The following TSNARE1 variants were observed in gnomAD, a reference collection of about 807,000 sequenced individuals.
The protein encoded by TSNARE1 is t-SNARE domain-containing protein 1.
A neutral mutation model predicts 62.0 loss-of-function variants in TSNARE1; 49 were observed. The observed-to-expected ratio is 0.79, with a 90% CI of 0.63 to 1.00. The LOEUF (loss-of-function observed/expected upper bound fraction) is 1.00. TSNARE1 is among the 50% of genes least tolerant of loss of function. The probability of loss-of-function intolerance (pLI) is 0.00; values close to 1 mark genes in which losing one functional copy is unlikely to be tolerated. For synonymous variants in TSNARE1, 328 were observed against 294.4 expected (o/e 1.11, Z -1.17); for missense variants, 755 against 700.1 (o/e 1.08, Z -0.88).
intron 1 of TSNARE1, among the ~76,000 whole-genome samples, chr8:142,363,581 T>C (rs1301183404): frequency 1.3e-5 from 2 of 152,066 alleles, no homozygotes; most frequent in Non-Finnish European, 2.9e-5. Flanking sequence ...AAACACAACC[T>C]GAAGACGGCG....
rs533037007 is a variant in TSNARE1, at chr8:142,348,528, C to T, written c.89-2636G>A. On this transcript the variant is annotated intron_variant, in intron 2 of 13. Coordinates refer to ENST00000524325, the MANE Select transcript of TSNARE1 (RefSeq NM_145003.5). ...CCCACCCTCCCCTGGCCCCCGCTCC[C>T]GCCCCAGGCTGCCCCGAAGCTGGCT... is the stretch of plus-strand genomic sequence containing the variant. 3.9e-3 allele frequency among the ~76,000 whole-genome samples: 578 copies of T among 147,406 alleles called. 5 individuals carry two copies. The highest frequency in any genetic ancestry group is 6.9e-3 in the Middle Eastern group (2 of 288).
intron 1 of TSNARE1, among the ~76,000 whole-genome samples, chr8:142,358,450 G>C (rs1237465010): frequency 6.6e-6 from 1 of 152,110 alleles, no homozygotes; most frequent in Non-Finnish European, 1.5e-5. Context: ...GGGGCCCCTG[G>C]GGGGACTGGA....
chr8:142,335,453 G>A lies in TSNARE1; in HGVS notation c.746-3622C>T, dbSNP rs563454150. On this transcript the variant is annotated intron_variant, in intron 4 of 13. Transcript: ENST00000524325. ...CGATCCACCACACAGGACATGATAC[G>A]GTGCTACTTGAAGGCGGGCTGCGGA... 1.8e-4 allele frequency among the ~76,000 whole-genome samples: 28 copies of A among 152,278 alleles called. No individual in the cohort carries two copies. The South Asian group carries it at 5.8e-3, about 32-fold the overall frequency.
chr8:142,319,000 A>G (rs1226707997), intron 6 of TSNARE1, among the ~76,000 whole-genome samples: 1 of 147,564 alleles, frequency 6.8e-6, no homozygotes, highest in Non-Finnish European at 1.5e-5. Context: ...CCAGCAAGAG[A>G]CGGGGGAGAC....
chr8:142,256,825 A>G (rs1818611868), intron 12 of TSNARE1, among the ~76,000 whole-genome samples: 1 of 152,212 alleles, frequency 6.6e-6, no homozygotes, highest in Non-Finnish European at 1.5e-5. Flanking sequence ...TCATTTGTTA[A>G]GCAAACAATG....
At chr8:142,351,010 A>C (rs1444257215) in intron 2 of TSNARE1, among the ~76,000 whole-genome samples, 1 of 152,260 alleles carries the variant, frequency 6.6e-6, no homozygotes, top group Admixed American at 6.5e-5. Flanking sequence ...GTGCTGTCAC[A>C]GTGGAAATCT....
intron 1 of TSNARE1, chr8:142,402,753 G>T (rs1587181859): frequency 6.6e-6 from 1 of 152,514 alleles, no homozygotes; most frequent in Middle Eastern, 3.4e-3. Context: ...TGACCTCCAG[G>T]CGCAGGCACC....
At chr8:142,282,108 C>T (rs374313363) in intron 11 of TSNARE1, among the ~76,000 whole-genome samples, 1 of 152,246 alleles carries the variant, frequency 6.6e-6, no homozygotes, top group Admixed American at 6.5e-5. Context: ...ACGGTGCTGG[C>T]TGGGAGGTGC....
At chr8:142,351,460 A>T (rs908245904) in intron 2 of TSNARE1, among the ~76,000 whole-genome samples, 2 of 152,238 alleles carry the variant, frequency 1.3e-5, no homozygotes, top group African/African-American at 2.4e-5. Flanking sequence ...AAATGACTTC[A>T]TTGCAAGACA....
chr8:142,294,715 C>G (rs1175348330), intron 10 of TSNARE1, among the ~76,000 whole-genome samples: 1 of 152,236 alleles, frequency 6.6e-6, no homozygotes, highest in Non-Finnish European at 1.5e-5. Flanking sequence ...GACAGGCAGA[C>G]AGCTGAGAGT....
intron 9 of TSNARE1, among the ~76,000 whole-genome samples, chr8:142,305,490 G>A (rs978377558): frequency 4.5e-4 from 68 of 152,232 alleles, no homozygotes; most frequent in African/African-American, 1.6e-3. Flanking sequence ...GCAGGGCTGG[G>A]GTGCGGGCCA....
rs531191450 is a variant in TSNARE1, at chr8:142,291,970, G to A, written c.1291-7485C>T. ...GGTCACAGCAACGCACGCCCCCCCC[G>A]GCCCCCCACCTGTTTCAAGCAGAAT... is the stretch of plus-strand genomic sequence containing the variant. On this transcript the variant is annotated intron_variant, in intron 10 of 13. Transcript: ENST00000524325. The surrounding 1 kb of genome is among the most constrained non-coding windows in gnomAD (Gnocchi z 4.8). Among the ~76,000 whole-genome samples the A allele has an allele frequency of 3.5e-5, 5 of 143,832 alleles. No homozygotes were observed. Among genetic ancestry groups the A allele is most frequent in the East Asian group, 2.0e-4 (1 of 4,956 alleles). 94.4% of individuals were successfully genotyped at this position (143,832 alleles called of 152,430 possible). A position where few individuals can be genotyped will look rare whatever the true frequency, so the allele number is the denominator to read the frequency against.
chr8:142,239,098 C>T (rs1010762003), intron 12 of TSNARE1, among the ~76,000 whole-genome samples: 3 of 152,162 alleles, frequency 2.0e-5, no homozygotes, highest in African/African-American at 7.2e-5. Flanking sequence ...GGAAAGGCCC[C>T]CAGGAAGGGG....
intron 12 of TSNARE1, among the ~76,000 whole-genome samples, chr8:142,258,168 GCACA>G (rs1818681829): frequency 6.6e-6 from 1 of 152,188 alleles, no homozygotes; most frequent in African/African-American, 2.4e-5. Flanking sequence ...CACGCTGTAT[GCACA>G]CACAGATGCC....
chr8:142,326,147 C>A (rs1300372082), intron 6 of TSNARE1: 3 of 171,482 alleles, frequency 1.7e-5, no homozygotes, highest in African/African-American at 2.7e-5. Flanking sequence ...GATGAGGAAC[C>A]AGCACCAGCT....
chr8:142,276,959 G>A, intron 11 of TSNARE1: 2 of 985,490 alleles, frequency 2.0e-6, no homozygotes, highest in Non-Finnish European at 2.4e-6. Flanking sequence ...CCCCGGCGCA[G>A]TGCACAGAGA....
chr8:142,346,855 C>T (rs1833437768), intron 2 of TSNARE1, among the ~76,000 whole-genome samples: 1 of 152,230 alleles, frequency 6.6e-6, no homozygotes, highest in Non-Finnish European at 1.5e-5. Context: ...CTGGTGAGCT[C>T]CCTCTCAGGA....
intron 4 of TSNARE1, among the ~76,000 whole-genome samples, chr8:142,337,960 CAG>C (rs1831999450): frequency 6.6e-6 from 1 of 152,226 alleles, no homozygotes; most frequent in South Asian, 2.1e-4. Flanking sequence ...AAGGGAGGTC[CAG>C]AGAGGGCCCC....
At chr8:142,229,339 G>T in intron 13 of TSNARE1, 134 bp downstream of exon 13, 2 of 718,740 alleles carry the variant, frequency 2.8e-6, no homozygotes, top group Admixed American at 2.1e-5. Context: ...ACAGATGGAC[G>T]GTAGACAGGT....
Sources: gnomAD v4.1 joint callset for allele counts (sites outside exome capture counted in the v4.1 genomes callset) on GRCh38, gnomAD v4.1.1 for gene constraint, Gnocchi (gnomAD v3.1) non-coding constraint, MANE v1.5 for transcripts, NCBI Gene and HGNC (gene_info 2026-07-23, HGNC 2026-07-21) for gene names.